The following SPOUT1 variants were observed in gnomAD, a reference collection of about 807,000 sequenced individuals.
SPOUT1 encodes SPOUT domain containing methyltransferase 1.
A neutral mutation model predicts 54.8 loss-of-function variants in SPOUT1; 40 were observed. The observed-to-expected ratio is 0.73, with a 90% CI of 0.57 to 0.95. SPOUT1 has a LOEUF of 0.95. Among genes scored for constraint, SPOUT1 ranks in the 40% least tolerant of loss-of-function variants. The pLI is 0.00. For synonymous variants in SPOUT1, 193 were observed against 200.3 expected (o/e 0.96, Z 0.31); for missense variants, 437 against 499.5 (o/e 0.87, Z 1.19).
intron 3 of SPOUT1, among the ~76,000 whole-genome samples, chr9:128,828,496 A>AG (rs1554798906): frequency 2.1e-3 from 1 of 466 alleles, no homozygotes; most frequent in Non-Finnish European, 0.023. Context: ...ACTCCATCTC[A>AG]AAAAAAAAAA....
At position 128,827,167 on chromosome 9, in the gene SPOUT1, G is replaced by GCTAC; in HGVS notation, c.229_232dup (p.Ala78GlyfsTer35). The GCTAC allele has an allele frequency of 6.2e-7, 1 of 1,613,542 alleles. No homozygotes were observed. The highest frequency in any genetic ancestry group is 8.5e-7 in the Non-Finnish European group (1 of 1,179,996). On this transcript the variant is annotated frameshift_variant, in exon 4 of 12. Coordinates refer to ENST00000361256, the MANE Select transcript of SPOUT1 (RefSeq NM_016390.4). LOFTEE classifies it high-confidence loss of function. ...ATTGTCCAGGATGGAGCCCGGCAGG[G>GCTAC]CTACGCTCAGTGTGTAGGGCCGCCC... is the stretch of plus-strand genomic sequence containing the variant.
In SPOUT1 at chr9:128,820,524, AC is replaced by A. The variant is rs1830089330; in HGVS notation, c.*2240del. The A allele has an allele frequency of 1.8e-6, 1 of 557,738 alleles. No individual in the cohort carries two copies. Among genetic ancestry groups the A allele is most frequent in the African/African-American group, 1.9e-5 (1 of 53,042 alleles). 34.5% of individuals were successfully genotyped at this position (557,738 alleles called of 1,614,324 possible). On this transcript the variant is annotated 3_prime_UTR_variant, in exon 12 of 12. Transcript: ENST00000361256. Reference sequence around the variant, plus strand: ...TCTTGGGAGCTGAGAAAAGACTTTGACACCTGGGCTGTGGGAGGGACAGAGG... The same window carrying A: ...TCTTGGGAGCTGAGAAAAGACTTTGAACCTGGGCTGTGGGAGGGACAGAGG...
At position 128,819,831 on chromosome 9, in the gene SPOUT1, G is replaced by A. The variant is rs56778081; in HGVS notation, c.*2934C>T. 0.065 allele frequency: 9,953 copies of A among 152,548 alleles called. 422 individuals carry two copies. The highest frequency in any genetic ancestry group is 0.11 in the African/African-American group (4,766 of 41,492). The allele number at this position is 152,548 out of a possible 1,614,324, so 9.4% of individuals were successfully genotyped here. On this transcript the variant is annotated 3_prime_UTR_variant, in exon 12 of 12. Transcript: ENST00000361256. ...GGCATTAGGTTTTCAAAAGAAGCGC[G>A]CAACCTCCTCACATGCGCAGTTCAC...
At chr9:128,827,743 G>A (rs1186393141) in intron 3 of SPOUT1, among the ~76,000 whole-genome samples, 4 of 152,196 alleles carry the variant, frequency 2.6e-5, no homozygotes, top group South Asian at 2.1e-4. Flanking sequence ...CCAACATGGC[G>A]AAACCCCGTC....
At chr9:128,827,939 C>A (rs1257477928) in intron 3 of SPOUT1, among the ~76,000 whole-genome samples, 1 of 151,848 alleles carries the variant, frequency 6.6e-6, no homozygotes, top group East Asian at 1.9e-4. Context: ...ACAAAAAAGC[C>A]CAAGAAGCAC....
Position 128,824,073 on chromosome 9 carries a change from T to G in SPOUT1, c.913A>C (p.Arg305=). 1 of 1,612,284 alleles carries G rather than the reference T, an allele frequency of 6.2e-7. No homozygotes were observed. Among genetic ancestry groups the G allele is most frequent in the African/African-American group, 1.3e-5 (1 of 74,960 alleles). ...DVASAQLPNF[R]HALVVFGGLQ... ...GCCGCAGCCCCAGGAGGTACACACC[T>G]GAAGTTGGGAAGCTGGGCAGAGGCC... Residue 305 remains arginine (R), a splice_region_variant and synonymous_variant, in exon 10 of 12, where the codon AGG becomes CGG. Transcript: ENST00000361256.
Position 128,826,303 on chromosome 9 carries a change from C to A in SPOUT1, c.508+81G>T. The A allele has an allele frequency of 3.2e-6, 5 of 1,568,650 alleles. No individual in the cohort carries two copies. Among genetic ancestry groups the A allele is most frequent in the Non-Finnish European group, 3.5e-6 (4 of 1,139,156 alleles). ...TCCCAGGCCTGCTTTCCCACCTGGA[C>A]AGCGCAGGGTAGGACTGGGTGGTCT... is the stretch of plus-strand genomic sequence containing the variant. On this transcript the variant is annotated intron_variant, in intron 6 of 11. Coordinates refer to ENST00000361256, the MANE Select transcript of SPOUT1 (RefSeq NM_016390.4). The surrounding 1 kb of genome is among the most constrained non-coding windows in gnomAD (Gnocchi z 5.5).
At chr9:128,827,537 C>G (rs1376715488) in intron 3 of SPOUT1, among the ~76,000 whole-genome samples, 4 of 152,192 alleles carry the variant, frequency 2.6e-5, no homozygotes, top group Non-Finnish European at 4.4e-5. Context: ...CACATTAACC[C>G]GATAGCCATT....
intron 3 of SPOUT1, 47 bp downstream of exon 3, chr9:128,828,688 A>G: frequency 6.2e-7 from 1 of 1,606,480 alleles, no homozygotes; most frequent in Non-Finnish European, 8.5e-7. Context: ...CTGCAGGACA[A>G]CTACCGTGGG....
At position 128,828,810 on chromosome 9, in the gene SPOUT1, CCA is replaced by C. The variant is rs770069451; in HGVS notation, c.131_132del (p.Leu44ArgfsTer67). Reference sequence around the variant, plus strand: ...TGTTCCTCCTGTGCCCGCTGCCGCTCCAGTTTTTTCATCAGCTTGAGATCCTT... The same window carrying C: ...TGTTCCTCCTGTGCCCGCTGCCGCTCGTTTTTTCATCAGCTTGAGATCCTT... ...KWKDLKLMKK[L>X]ERQRAQEEQA... On this transcript the variant is annotated frameshift_variant, in exon 3 of 12. Transcript: ENST00000361256. LOFTEE classifies it high-confidence loss of function. 3 of 1,614,190 alleles carry C rather than the reference CCA, an allele frequency of 1.9e-6. No homozygotes were observed. In the South Asian group the frequency reaches 3.3e-5, roughly 18 times the overall value.
chr9:128,825,480 T>C (rs935760719), intron 7 of SPOUT1, among the ~76,000 whole-genome samples: 3 of 152,182 alleles, frequency 2.0e-5, no homozygotes, highest in Non-Finnish European at 4.4e-5. Context: ...TATAGATGCG[T>C]GCCACCACAC....
rs371522983 is a variant in SPOUT1 at position 128,827,160 on chromosome 9, C to T, written c.240G>A (p.Pro80=). Residue 80 remains proline, a synonymous_variant, in exon 4 of 12, where the codon CCG becomes CCA. Transcript: ENST00000361256. The part of the protein sequence containing the change: ...GRPYTLSVAL[P]GSILDNAQSP... ...ACTGAGCATTGTCCAGGATGGAGCC[C>T]GGCAGGGCTACGCTCAGTGTGTAGG... is the stretch of plus-strand genomic sequence containing the variant. 2.7e-5 allele frequency: 43 copies of T among 1,613,664 alleles called. No individual in the cohort carries two copies. Among genetic ancestry groups the T allele is most frequent in the Middle Eastern group, 1.6e-4 (1 of 6,062 alleles).
chr9:128,829,197 T>C, intron 1 of SPOUT1, 42 bp from the exon 2 acceptor site: 1 of 1,514,842 alleles, frequency 6.6e-7, no homozygotes, highest in Non-Finnish European at 9.2e-7. Flanking sequence ...GTGAGGCTGA[T>C]GGTCACACCT....
intron 11 of SPOUT1, 66 bp from the exon 12 acceptor site, chr9:128,822,899 G>T: frequency 8.1e-7 from 1 of 1,230,354 alleles, no homozygotes; most frequent in Non-Finnish European, 1.1e-6. Flanking sequence ...CTCCCAGCCT[G>T]TCTTCAGTGC....
At position 128,822,309 on chromosome 9, in the gene SPOUT1, T is replaced by G; in HGVS notation, c.*456A>C. The G allele has an allele frequency of 6.2e-7, 1 of 1,607,780 alleles. No homozygotes were observed. ...TTCATCCAGGCCCCCTGCCCACGTG[T>G]GCCTGGGTCTGCCCACAGGACAGAG... On this transcript the variant is annotated 3_prime_UTR_variant, in exon 12 of 12. Transcript: ENST00000361256.
chr9:128,828,693 C>T (rs746620277), intron 3 of SPOUT1, 42 bp downstream of exon 3: 12 of 1,608,118 alleles, frequency 7.5e-6, no homozygotes, highest in South Asian at 3.3e-5. Context: ...GGACAACTAC[C>T]GTGGGCCACA....
Position 128,824,767 on chromosome 9 carries a change from T to C in SPOUT1, c.811+4A>G, listed in dbSNP as rs1424412126. Reference sequence around the variant, plus strand: ...ATATTCAGAGAAGTAAGGTCTGTCCTTACTGAGGCAGGAAGCCAGTCGGAC... The same window carrying C: ...ATATTCAGAGAAGTAAGGTCTGTCCCTACTGAGGCAGGAAGCCAGTCGGAC... On this transcript the variant is annotated splice_donor_region_variant and intron_variant, in intron 9 of 11. Transcript: ENST00000361256. 6.2e-7 allele frequency: 1 copy of C among 1,609,370 alleles called. No individual in the cohort carries two copies. The highest frequency in any genetic ancestry group is 1.7e-5 in the Admixed American group (1 of 59,984).
In SPOUT1 at chr9:128,820,441, C is replaced by A. The variant is rs1305344777; in HGVS notation, c.*2324G>T. The A allele has an allele frequency of 1.1e-5, 4 of 356,578 alleles. No homozygotes were observed. The highest frequency in any genetic ancestry group is 8.3e-5 in the African/African-American group (4 of 48,238). 22.1% of individuals were successfully genotyped at this position (356,578 alleles called of 1,614,324 possible). A position where few individuals can be genotyped will look rare whatever the true frequency, so the allele number is the denominator to read the frequency against. The stretch of plus-strand genomic sequence containing the variant: ...TCTTCCCAGGAGACCCTGGGTGGGG[C>A]TGGGGACAGGCCTCAGTCCTCTCTG... On this transcript the variant is annotated 3_prime_UTR_variant, in exon 12 of 12. Coordinates refer to ENST00000361256, the MANE Select transcript of SPOUT1 (RefSeq NM_016390.4).
At position 128,822,263 on chromosome 9, in the gene SPOUT1, C is replaced by T; in HGVS notation, c.*502G>A. The T allele has an allele frequency of 6.4e-7, 1 of 1,565,466 alleles. No individual in the cohort carries two copies. The stretch of plus-strand genomic sequence containing the variant: ...TTAGAGGACAGATCAGGGAAGGCTG[C>T]CTGGAAGAGGTGGCTTTGGGTTCAT... On this transcript the variant is annotated 3_prime_UTR_variant, in exon 12 of 12. Transcript: ENST00000361256.
Sources: allele counts gnomAD v4.1 joint callset (sites outside exome capture counted in the v4.1 genomes callset), GRCh38; gene constraint gnomAD v4.1.1; non-coding constraint Gnocchi (gnomAD v3.1); transcripts MANE v1.5; gene names NCBI Gene and HGNC (gene_info 2026-07-23, HGNC 2026-07-21).